KATNAL1: variants seen among roughly 807,000 people sequenced by gnomAD.
KATNAL1 encodes katanin p60 ATPase-containing subunit A-like 1.
In KATNAL1, 32 loss-of-function variants were observed where a neutral mutation model predicts 55.2. The observed-to-expected ratio is 0.58, with a 90% confidence interval of 0.44 to 0.78. KATNAL1 has a LOEUF of 0.78. Ranked by LOEUF, KATNAL1 falls within the 30% of genes least tolerant of loss-of-function variation. KATNAL1 has a pLI of 0.00. For synonymous variants in KATNAL1, 193 were observed against 193.6 expected, an observed-to-expected ratio of 1.00 and a Z score of 0.02; for missense variants, 466 against 600.9, an observed-to-expected ratio of 0.78 and a Z score of 2.35.
At chr13:30,224,789 G>A (rs1593846306) in intron 9 of KATNAL1, among the ~76,000 whole-genome samples, 1 of 152,116 alleles carries the variant, frequency 6.6e-6, no homozygotes, top group Admixed American at 6.5e-5. Context: ...AATGAAAAAT[G>A]AGCCATCACT....
intron 3 of KATNAL1, 41 bp from the exon 4 acceptor site, chr13:30,255,656 A>C: frequency 1.5e-6 from 2 of 1,340,462 alleles, no homozygotes; most frequent in Non-Finnish European, 9.6e-7. Context: ...TTAAAATTAA[A>C]ATTAATCAAA....
intron 9 of KATNAL1, among the ~76,000 whole-genome samples, chr13:30,223,975 G>A (rs1365606017): frequency 1.3e-5 from 2 of 152,170 alleles, no homozygotes; most frequent in Middle Eastern, 3.4e-3. Context: ...ATCTCAAGAA[G>A]TTCAAAAATT....
intron 3 of KATNAL1, among the ~76,000 whole-genome samples, chr13:30,261,047 A>T (rs2137477211): frequency 6.6e-6 from 1 of 152,192 alleles, no homozygotes; most frequent in East Asian, 1.9e-4. Flanking sequence ...AAGCCAGAAG[A>T]GAGTGGGGGC....
At chr13:30,305,550 C>A (rs574971112) in intron 1 of KATNAL1, among the ~76,000 whole-genome samples, 2 of 152,218 alleles carry the variant, frequency 1.3e-5, no homozygotes, top group African/African-American at 4.8e-5. Flanking sequence ...CAGGTTCACA[C>A]GTTACCAGCT....
At chr13:30,215,633 G>A (rs1874143453) in intron 9 of KATNAL1, among the ~76,000 whole-genome samples, 1 of 152,146 alleles carries the variant, frequency 6.6e-6, no homozygotes, top group Non-Finnish European at 1.5e-5. Flanking sequence ...TAGGGACATG[G>A]ATGAAACTAG....
At chr13:30,306,295 G>A (rs1378249024) in intron 1 of KATNAL1, among the ~76,000 whole-genome samples, 1 of 152,054 alleles carries the variant, frequency 6.6e-6, no homozygotes, top group Non-Finnish European at 1.5e-5. Context: ...TTAAAACATG[G>A]TATTTTTCCT....
chr13:30,228,598 C>T (rs1875749524), intron 8 of KATNAL1, among the ~76,000 whole-genome samples: 1 of 152,236 alleles, frequency 6.6e-6, no homozygotes, highest in African/African-American at 2.4e-5. Flanking sequence ...ATAAAACATA[C>T]TCATTCCTTT....
rs531775135 is a variant in KATNAL1 at position 30,307,394 on chromosome 13, G to GGCCGCCGCCGCCGCC, written c.-93_-79dup. 23 of 154,892 alleles carry GGCCGCCGCCGCCGCC rather than the reference G, an allele frequency of 1.5e-4. 2 individuals carry two copies. The highest frequency in any genetic ancestry group is 1.3e-3 in the South Asian group (7 of 5,572). The allele number at this position is 154,892 out of a possible 1,614,324, so 9.6% of individuals were successfully genotyped here. On this transcript the variant is annotated 5_prime_UTR_variant, in exon 1 of 11. Transcript: ENST00000380615. ...CCAGATGGGGTGCGGGTGGGGCGCA[G>GGCCGCCGCCGCCGCC]GCCGCCGCCGCCGCCGCCGCCGAGT...
rs571425699 is a variant in KATNAL1, at chr13:30,259,564, A to C, written c.324-3949T>G. 3.0e-3 allele frequency among the ~76,000 whole-genome samples: 458 copies of C among 152,142 alleles called. 1 individual carries two copies. The highest frequency in any genetic ancestry group is 0.011 in the African/African-American group (442 of 41,498). On this transcript the variant is annotated intron_variant, in intron 3 of 10. Coordinates refer to ENST00000380615, the MANE Select transcript of KATNAL1 (RefSeq NM_032116.5). Reference sequence around the variant, plus strand: ...GCAAGGCATTGCCTCACTCGGGAAGAGCGAGGGGTCAGGGAGTTCCCTTTC... The same window carrying C: ...GCAAGGCATTGCCTCACTCGGGAAGCGCGAGGGGTCAGGGAGTTCCCTTTC...
At chr13:30,272,448 T>C (rs1334351237) in intron 3 of KATNAL1, among the ~76,000 whole-genome samples, 1 of 152,078 alleles carries the variant, frequency 6.6e-6, no homozygotes, top group Non-Finnish European at 1.5e-5. Flanking sequence ...GCAACAAATG[T>C]ATACTACACC....
At chr13:30,285,052 A>T (rs1487288122) in intron 1 of KATNAL1, among the ~76,000 whole-genome samples, 6 of 152,078 alleles carry the variant, frequency 3.9e-5, no homozygotes, top group Non-Finnish European at 8.8e-5. Flanking sequence ...GGGGAGCCTG[A>T]CTCTTCTACT....
chr13:30,244,650 G>C (rs183192210), intron 4 of KATNAL1, among the ~76,000 whole-genome samples: 252 of 152,204 alleles, frequency 1.7e-3, no homozygotes, highest in Middle Eastern at 6.8e-3. Context: ...CAGATAGACT[G>C]CTAGCCAGAC....
chr13:30,286,927 C>T (rs1268057606), intron 1 of KATNAL1, among the ~76,000 whole-genome samples: 4 of 152,180 alleles, frequency 2.6e-5, no homozygotes, highest in Non-Finnish European at 5.9e-5. Context: ...AATGACTGCC[C>T]GATTGGATTT....
In KATNAL1 at chr13:30,208,333, G is replaced by A. The variant is rs1306826953; in HGVS notation, c.*207C>T. The A allele has an allele frequency of 6.0e-6, 3 of 503,020 alleles. No homozygotes were observed. Among genetic ancestry groups the A allele is most frequent in the Non-Finnish European group, 1.0e-5 (3 of 287,006 alleles). The allele number at this position is 503,020 out of a possible 1,614,324, so 31.2% of individuals were successfully genotyped here. A position where few individuals can be genotyped will look rare whatever the true frequency, so the allele number is the denominator to read the frequency against. On this transcript the variant is annotated 3_prime_UTR_variant, in exon 11 of 11. Transcript: ENST00000380615. The stretch of plus-strand genomic sequence containing the variant: ...TAATGCAGGAATACGTGGAATACCA[G>A]CACAAAGCCGGGGAGGGAGACTAGC...
In KATNAL1 at chr13:30,210,388, G is replaced by C. The variant is rs1873565016; in HGVS notation, c.1202C>G (p.Pro401Arg). ...GGCTATATCTTCCAGTTGAATATCA[G>C]GATCTAATTCGACCTCACGAAGGTT... ...KINLREVELD[P>R]DIQLEDIAEK... Residue 401 changes from proline (P) to arginine (R), a missense_variant, in exon 10 of 11, where the codon CCT becomes CGT. By Grantham distance (103) the Pro-to-Arg change is moderately radical. Coordinates refer to ENST00000380615, the MANE Select transcript of KATNAL1 (RefSeq NM_032116.5). 1 of 1,607,014 alleles carries C rather than the reference G, an allele frequency of 6.2e-7. No individual in the cohort carries two copies. The highest frequency in any genetic ancestry group is 1.3e-5 in the African/African-American group (1 of 74,194).
chr13:30,235,390 A>G (rs1480508847), intron 6 of KATNAL1, among the ~76,000 whole-genome samples: 5 of 152,184 alleles, frequency 3.3e-5, no homozygotes, highest in Non-Finnish European at 5.9e-5. Flanking sequence ...TCTCATGAGA[A>G]TGAACAGAGT....
intron 3 of KATNAL1, among the ~76,000 whole-genome samples, chr13:30,270,036 C>A (rs1396128500): frequency 4.5e-5 from 6 of 134,582 alleles, no homozygotes; most frequent in Admixed American, 7.1e-5. Context: ...GGGTGTCAGC[C>A]CCCCGCCCGG....
intron 9 of KATNAL1, among the ~76,000 whole-genome samples, chr13:30,212,812 T>A (rs1184917259): frequency 1.3e-5 from 2 of 152,216 alleles, no homozygotes; most frequent in African/African-American, 4.8e-5. Context: ...TGGTATGGGT[T>A]AAACCATGTC....
chr13:30,211,487 T>C (rs1315455760), intron 9 of KATNAL1, among the ~76,000 whole-genome samples: 1 of 152,234 alleles, frequency 6.6e-6, no homozygotes, highest in African/African-American at 2.4e-5. Context: ...AAGCAAAGTT[T>C]CCCTATTTGT....
Sources: gnomAD v4.1 joint callset for allele counts (sites outside exome capture counted in the v4.1 genomes callset) on GRCh38, gnomAD v4.1.1 for gene constraint, MANE v1.5 for transcripts, NCBI Gene and HGNC (gene_info 2026-07-23, HGNC 2026-07-21) for gene names.